ATIC: variants seen among roughly 807,000 people sequenced by gnomAD.
ATIC encodes bifunctional purine biosynthesis protein ATIC.
In ATIC, 64 loss-of-function variants were observed where a neutral mutation model predicts 72.5. The ratio of observed to expected loss-of-function variants is 0.88; its 90% CI spans 0.72 to 1.09. ATIC has a LOEUF of 1.09. Ranked by LOEUF, ATIC falls within the 50% of genes least tolerant of loss-of-function variation. The probability of loss-of-function intolerance (pLI) is 0.00; values close to 1 mark genes in which losing one functional copy is unlikely to be tolerated. For missense variants in ATIC, 787 were observed against 732.4 expected, an observed-to-expected ratio of 1.07 and a Z score of -0.86; for synonymous variants, 281 against 267.1, an observed-to-expected ratio of 1.05 and a Z score of -0.51.
At chr2:215,363,124 C>A in the ATIC span, 1 of 152,170 alleles carries the variant, frequency 6.6e-6, no homozygotes, top group Admixed American at 6.5e-5. Flanking sequence ...GTGACTACCT[C>A]CTTACAGAAT....
intron 11 of ATIC, among the ~76,000 whole-genome samples, chr2:215,336,599 T>C (rs1488991371): frequency 6.6e-6 from 1 of 152,252 alleles, no homozygotes; most frequent in Non-Finnish European, 1.5e-5. Flanking sequence ...ATAGTCTATG[T>C]ATTCAGCAAA....
At chr2:215,359,947 T>C in the ATIC span, among the ~76,000 whole-genome samples, 1 of 152,188 alleles carries the variant, frequency 6.6e-6, no homozygotes, top group Non-Finnish European at 1.5e-5. Flanking sequence ...TTTATTTATT[T>C]ATGTTTTTTG....
chr2:215,346,867 A>T lies in ATIC; in HGVS notation c.1429A>T (p.Lys477Ter), dbSNP rs754889604. ...LRHHPQVLSM[K>*]FKTGVKRAEI... ...ACACCATCCACAAGTGCTTTCGATGAAGTTTAAAACAGGAGTGAAGAGAGC... is the reference window on the plus strand; with the variant it reads ...ACACCATCCACAAGTGCTTTCGATGTAGTTTAAAACAGGAGTGAAGAGAGC... Residue 477 changes from lysine (K) to a stop codon, truncating the protein, a stop_gained, in exon 14 of 16, where the codon AAG becomes TAG. Coordinates refer to ENST00000236959, the MANE Select transcript of ATIC (RefSeq NM_004044.7). LOFTEE classifies it high-confidence loss of function. 3 of 1,614,222 alleles carry T rather than the reference A, an allele frequency of 1.9e-6. No individual in the cohort carries two copies. The highest frequency in any genetic ancestry group is 2.5e-6 in the Non-Finnish European group (3 of 1,180,034).
chr2:215,330,655 A>G (rs2052882190), intron 7 of ATIC, among the ~76,000 whole-genome samples: 1 of 151,314 alleles, frequency 6.6e-6, no homozygotes, highest in South Asian at 2.1e-4. Context: ...CCTCCGCCTC[A>G]TCCCTCCTTT....
chr2:215,330,716 T>TC (rs2052883059), intron 7 of ATIC, among the ~76,000 whole-genome samples: 1 of 151,674 alleles, frequency 6.6e-6, no homozygotes, highest in Non-Finnish European at 1.5e-5. Flanking sequence ...TCTTTTCTTT[T>TC]TTTTTTTTTT....
chr2:215,317,621 G>A (rs1042229610), intron 2 of ATIC, among the ~76,000 whole-genome samples: 19 of 152,058 alleles, frequency 1.2e-4, no homozygotes, highest in African/African-American at 4.3e-4. Context: ...CAGTAGCTGG[G>A]ATTACAGGTG....
At chr2:215,347,257 A>T in intron 14 of ATIC, 1 of 397,696 alleles carries the variant, frequency 2.5e-6, no homozygotes, top group Non-Finnish European at 4.8e-6. Flanking sequence ...CTTTTCACCT[A>T]CGTCGAGGTG....
At chr2:215,352,259 A>G (rs541305150), downstream of ATIC, among the ~76,000 whole-genome samples, 2 of 152,358 alleles carry the variant, frequency 1.3e-5, no homozygotes, top group South Asian at 4.1e-4. Flanking sequence ...GGTGTGATGT[A>G]TCCTCACAAT....
chr2:215,346,856 T>G lies in ATIC; in HGVS notation c.1418T>G (p.Val473Gly). 1 of 1,614,176 alleles carries G rather than the reference T, an allele frequency of 6.2e-7. No individual in the cohort carries two copies. The highest frequency in any genetic ancestry group is 8.5e-7 in the Non-Finnish European group (1 of 1,180,034). ...NYWWLRHHPQVLSMKFKTGVK... is the reference protein window; with the variant it reads ...NYWWLRHHPQGLSMKFKTGVK... Reference sequence around the variant, plus strand: ...TGGTGGCTTAGACACCATCCACAAGTGCTTTCGATGAAGTTTAAAACAGGA... The same window carrying G: ...TGGTGGCTTAGACACCATCCACAAGGGCTTTCGATGAAGTTTAAAACAGGA... The change falls in exon 14 of 16, where the codon GTG (valine) becomes GGG (glycine). Residue 473 changes from valine (V) to glycine (G), a missense_variant. By Grantham distance (109) the Val-to-Gly change is moderately radical. Coordinates refer to ENST00000236959, the MANE Select transcript of ATIC (RefSeq NM_004044.7).
intron 11 of ATIC, among the ~76,000 whole-genome samples, chr2:215,336,393 G>T (rs1575121851): frequency 6.6e-6 from 1 of 152,178 alleles, no homozygotes; most frequent in Admixed American, 6.5e-5. Flanking sequence ...AGGATGGCTT[G>T]AGGCCAAGAA....
chr2:215,349,706 G>A lies in ATIC; in HGVS notation c.*51G>A, dbSNP rs768314755. On this transcript the variant is annotated 3_prime_UTR_variant, in exon 16 of 16. Coordinates refer to ENST00000236959, the MANE Select transcript of ATIC (RefSeq NM_004044.7). ...TGCTTATGTGTAGGTGAACAGTCAC[G>A]CCTGAAACTTTGAGGATAACTTTTT... 1.9e-6 allele frequency: 3 copies of A among 1,613,702 alleles called. No homozygotes were observed. Among genetic ancestry groups the A allele is most frequent in the Admixed American group, 3.3e-5 (2 of 60,006 alleles).
At chr2:215,314,085 C>T (rs569391802) in intron 2 of ATIC, among the ~76,000 whole-genome samples, 28 of 152,302 alleles carry the variant, frequency 1.8e-4, no homozygotes, top group African/African-American at 6.0e-4. Flanking sequence ...ATATCTGTCA[C>T]CCACTTTAGG....
chr2:215,312,174 C>T lies in ATIC; in HGVS notation c.19+13C>T. 1 of 1,503,510 alleles carries T rather than the reference C, an allele frequency of 6.7e-7. No homozygotes were observed. The highest frequency in any genetic ancestry group is 8.8e-7 in the Non-Finnish European group (1 of 1,134,072). The allele number at this position is 1,503,510 out of a possible 1,614,324, so 93.1% of individuals were successfully genotyped here. On this transcript the variant is annotated intron_variant, in intron 1 of 15. Coordinates refer to ENST00000236959, the MANE Select transcript of ATIC (RefSeq NM_004044.7). ...CCCGGCCAGCTCGGTGAGGCCCTAGCGGAGCGGCGCGGTCTGCGTCCTCGC... is the reference window on the plus strand; with the variant it reads ...CCCGGCCAGCTCGGTGAGGCCCTAGTGGAGCGGCGCGGTCTGCGTCCTCGC...
At chr2:215,368,210 C>T in the ATIC span, among the ~76,000 whole-genome samples, 1 of 152,220 alleles carries the variant, frequency 6.6e-6, no homozygotes, top group Non-Finnish European at 1.5e-5. Context: ...TTAGATGTGA[C>T]ACCTGTCACA....
In ATIC at chr2:215,338,808, T is replaced by C. The variant is rs770954499; in HGVS notation, c.1128T>C (p.Asn376=). The C allele has an allele frequency of 7.4e-6, 12 of 1,613,798 alleles. No homozygotes were observed. The highest frequency in any genetic ancestry group is 1.0e-5 in the Non-Finnish European group (12 of 1,179,830). The change falls in exon 12 of 16, where the codon AAT becomes AAC. Residue 376 remains asparagine, a synonymous_variant. Transcript: ENST00000236959. Reference sequence around the variant, plus strand: ...ACCAATCTTACAAACCAGATGAAAATGAAGTTCGAACTCTCTTTGGTCTTC... The same window carrying C: ...ACCAATCTTACAAACCAGATGAAAACGAAGTTCGAACTCTCTTTGGTCTTC... ...QMDQSYKPDE[N]EVRTLFGLHL... is the part of the protein sequence containing the mutation.
chr2:215,344,992 TGTGTTTGTCA>T, intron 13 of ATIC, 121 bp downstream of exon 13: 1 of 1,103,430 alleles, frequency 9.1e-7, no homozygotes, highest in Non-Finnish European at 1.3e-6. Flanking sequence ...GTTTGTCTTT[TGTGTTTGTCA>T]GTGTTTCCTC....
chr2:215,314,038 A>G (rs550994025), intron 2 of ATIC, among the ~76,000 whole-genome samples: 159 of 152,270 alleles, frequency 1.0e-3, no homozygotes, highest in African/African-American at 3.7e-3. Context: ...TTCAGACACA[A>G]TCAAAAGTAG....
the ATIC span, among the ~76,000 whole-genome samples, chr2:215,365,966 A>ATTTT: frequency 1.5e-4 from 14 of 90,336 alleles, no homozygotes; most frequent in African/African-American, 2.8e-4. Context: ...CCACAGTGCT[A>ATTTT]TTTTTTTTTT....
At chr2:215,338,745 A>G (rs1425183425) in intron 11 of ATIC, 34 bp from the exon 12 acceptor site, 1 of 1,607,010 alleles carries the variant, frequency 6.2e-7, no homozygotes, top group African/African-American at 1.3e-5. Context: ...GGAAGTGGAG[A>G]GATTAACTTT....
Sources: gnomAD v4.1 joint callset for allele counts (sites outside exome capture counted in the v4.1 genomes callset) on GRCh38, gnomAD v4.1.1 for gene constraint, MANE v1.5 for transcripts, NCBI Gene and HGNC (gene_info 2026-07-23, HGNC 2026-07-21) for gene names.